Variants in NDST4 observed in about 807,000 individuals in gnomAD.
The protein encoded by NDST4 is N-deacetylase and N-sulfotransferase 4, also known as N-heparan sulfate sulfotransferase 4.
Under a neutral mutation model 100.8 loss-of-function variants are expected in NDST4, and 63 were observed. That is an observed-to-expected ratio of 0.62 (90% confidence interval 0.51 to 0.77). The LOEUF (loss-of-function observed/expected upper bound fraction) is 0.77, where lower values mean the gene tolerates loss of function less well. Ranked by LOEUF, NDST4 falls within the 30% of genes least tolerant of loss-of-function variation. NDST4 has a pLI of 0.00. For missense variants in NDST4, 943 were observed against 1,018.4 expected (o/e 0.93, Z 1.01); for synonymous variants, 377 against 361.8 (o/e 1.04, Z -0.48).
chr4:114,950,813 T>C (rs72910649), intron 4 of NDST4, among the ~76,000 whole-genome samples: 4,762 of 152,136 alleles, frequency 0.031, 258 homozygotes, highest in African/African-American at 0.11. Context: ...CTTACCCTTA[T>C]AACAAACAAG....
At position 115,037,543 on chromosome 4, in the gene NDST4, C is replaced by CATGTATGTAAAT. The variant is rs141455998; in HGVS notation, c.978+38504_978+38515dup. ...ATTATTCTTATTATATTGTTATGTG[C>CATGTATGTAAAT]ATGTATGTAAATATGTATGTATCTA... On this transcript the variant is annotated intron_variant, in intron 2 of 13. Coordinates refer to ENST00000264363, the MANE Select transcript of NDST4 (RefSeq NM_022569.3). Among the ~76,000 whole-genome samples, 186 of 152,120 alleles carry CATGTATGTAAAT rather than the reference C, an allele frequency of 1.2e-3. 4 individuals carry two copies. In the East Asian group the frequency reaches 0.032, roughly 26 times the overall value.
chr4:115,067,643 T>G lies in NDST4; in HGVS notation c.978+8416A>C, dbSNP rs191558777. 5.2e-3 allele frequency among the ~76,000 whole-genome samples: 794 copies of G among 152,178 alleles called. 3 individuals carry two copies. The highest frequency in any genetic ancestry group is 6.9e-3 in the Non-Finnish European group (468 of 67,988). On this transcript the variant is annotated intron_variant, in intron 2 of 13. Coordinates refer to ENST00000264363, the MANE Select transcript of NDST4 (RefSeq NM_022569.3). The stretch of plus-strand genomic sequence containing the variant: ...CTCCTGTTTAATGATATGATAATTC[T>G]TAAACATATTTTGACTGGAATTTTT...
At chr4:114,842,587 T>C (rs1365937752) in intron 10 of NDST4, 2 of 154,218 alleles carry the variant, frequency 1.3e-5, no homozygotes, top group Non-Finnish European at 2.4e-5. Flanking sequence ...TTCAGGAGAT[T>C]GGGGAAAACA....
Position 114,833,589 on chromosome 4 carries a change from C to A in NDST4, c.2396+17G>T, listed in dbSNP as rs1560769414. The A allele has an allele frequency of 6.7e-7, 1 of 1,486,264 alleles. No individual in the cohort carries two copies. The highest frequency in any genetic ancestry group is 2.3e-5 in the East Asian group (1 of 44,118). 92.1% of individuals were successfully genotyped at this position (1,486,264 alleles called of 1,614,324 possible). On this transcript the variant is annotated intron_variant, in intron 12 of 13. Transcript: ENST00000264363. ...GGCAAATAATGGAAATGAAATCAAGCATGACAATAGACTCACGTTAGTGCT... is the reference window on the plus strand; with the variant it reads ...GGCAAATAATGGAAATGAAATCAAGAATGACAATAGACTCACGTTAGTGCT...
At chr4:114,940,286 C>T (rs745979043) in intron 4 of NDST4, among the ~76,000 whole-genome samples, 29 of 151,840 alleles carry the variant, frequency 1.9e-4, no homozygotes, top group African/African-American at 4.1e-4. Context: ...CAGTTAGTTG[C>T]GAAATAAGAT....
In NDST4 at chr4:114,992,594, T is replaced by G. The variant is rs920808149; in HGVS notation, c.979-15320A>C. On this transcript the variant is annotated intron_variant, in intron 2 of 13. Coordinates refer to ENST00000264363, the MANE Select transcript of NDST4 (RefSeq NM_022569.3). ...AAGTTGACCTTTTGTTTCCATGGGT[T>G]TCACATCTGCCACAAAACTCAGATA... 4.6e-5 allele frequency among the ~76,000 whole-genome samples: 7 copies of G among 151,640 alleles called. No individual in the cohort carries two copies. The South Asian group carries it at 1.0e-3, about 22-fold the overall frequency.
At chr4:114,868,181 T>G (rs1472342202) in intron 7 of NDST4, among the ~76,000 whole-genome samples, 1 of 152,190 alleles carries the variant, frequency 6.6e-6, no homozygotes, top group Non-Finnish European at 1.5e-5. Flanking sequence ...GAAGTCACAC[T>G]TGTAAATACA....
chr4:114,994,021 T>C (rs1388865269), intron 2 of NDST4, among the ~76,000 whole-genome samples: 1 of 151,978 alleles, frequency 6.6e-6, no homozygotes, highest in Non-Finnish European at 1.5e-5. Context: ...AACACATTTG[T>C]ATAAATTCCA....
At chr4:114,913,192 A>G (rs1475254380) in intron 6 of NDST4, among the ~76,000 whole-genome samples, 1 of 151,920 alleles carries the variant, frequency 6.6e-6, no homozygotes, top group African/African-American at 2.4e-5. Flanking sequence ...TAAAATAAGG[A>G]CTGTATGTTA....
At position 114,918,970 on chromosome 4, in the gene NDST4, C is replaced by T. The variant is rs115220898; in HGVS notation, c.1536+16236G>A. Among the ~76,000 whole-genome samples, 1,125 of 152,154 alleles carry T rather than the reference C, an allele frequency of 7.4e-3. 17 individuals carry two copies. Among genetic ancestry groups the T allele is most frequent in the African/African-American group, 0.025 (1,028 of 41,512 alleles). On this transcript the variant is annotated intron_variant, in intron 6 of 13. Transcript: ENST00000264363. The stretch of plus-strand genomic sequence containing the variant: ...CTCTCCATTTTTCCTCCACAGATGT[C>T]GTGGTCTTTTGTTAACAAATACTTC...
chr4:114,863,243 C>T (rs1454927671), intron 7 of NDST4, among the ~76,000 whole-genome samples: 2 of 152,194 alleles, frequency 1.3e-5, no homozygotes, highest in African/African-American at 4.8e-5. Context: ...AGCAACCTGG[C>T]AAGACAGATA....
chr4:114,901,515 G>A (rs1724837883), intron 6 of NDST4, among the ~76,000 whole-genome samples: 1 of 151,756 alleles, frequency 6.6e-6, no homozygotes, highest in Admixed American at 6.6e-5. Context: ...TAATCTATAT[G>A]CGTCTTTATA....
intron 2 of NDST4, among the ~76,000 whole-genome samples, chr4:115,031,430 G>A (rs1272840102): frequency 6.6e-6 from 1 of 152,056 alleles, no homozygotes; most frequent in African/African-American, 2.4e-5. Flanking sequence ...CTCTGAAAGT[G>A]CAGACTCTTC....
At chr4:114,976,536 A>G (rs1452027088) in intron 3 of NDST4, among the ~76,000 whole-genome samples, 1 of 152,038 alleles carries the variant, frequency 6.6e-6, no homozygotes, top group East Asian at 1.9e-4. Flanking sequence ...AGAACACAGC[A>G]CATGAATAGC....
chr4:114,998,438 G>T (rs886843571), intron 2 of NDST4, among the ~76,000 whole-genome samples: 1 of 152,036 alleles, frequency 6.6e-6, no homozygotes. Context: ...GGCTCACACT[G>T]TGCAACCCCA....
intron 10 of NDST4, among the ~76,000 whole-genome samples, chr4:114,843,341 C>T (rs769165806): frequency 7.2e-5 from 11 of 152,098 alleles, no homozygotes; most frequent in East Asian, 1.9e-4. Context: ...CCTGTATCTC[C>T]GCGGAGTTGG....
chr4:115,079,915 A>G (rs1729266226), intron 1 of NDST4, among the ~76,000 whole-genome samples: 1 of 152,194 alleles, frequency 6.6e-6, no homozygotes, highest in Non-Finnish European at 1.5e-5. Flanking sequence ...TTTTGTCAGA[A>G]AATAACTTTT....
In NDST4 at chr4:114,986,793, CATATAT is replaced by C. The variant is rs59806494; in HGVS notation, c.979-9525_979-9520del. On this transcript the variant is annotated intron_variant, in intron 2 of 13. Coordinates refer to ENST00000264363, the MANE Select transcript of NDST4 (RefSeq NM_022569.3). Reference sequence around the variant, plus strand: ...CCTCTAAGCCTGGTATCCAATTATACATATATATATATATATATATATATATATATA... The same window carrying C: ...CCTCTAAGCCTGGTATCCAATTATACATATATATATATATATATATATATA... Among the ~76,000 whole-genome samples the C allele has an allele frequency of 8.2e-3, 745 of 91,120 alleles. 13 individuals carry two copies. Among genetic ancestry groups the C allele is most frequent in the African/African-American group, 0.03 (657 of 22,106 alleles). The allele number at this position is 91,120 out of a possible 152,430, so 59.8% of individuals were successfully genotyped here.
chr4:115,068,161 T>C (rs1301732267), intron 2 of NDST4, among the ~76,000 whole-genome samples: 1 of 152,102 alleles, frequency 6.6e-6, no homozygotes, highest in Non-Finnish European at 1.5e-5. Context: ...TGTTAACTTA[T>C]CATCTTTGTT....
Sources: allele counts gnomAD v4.1 joint callset (sites outside exome capture counted in the v4.1 genomes callset), GRCh38; gene constraint gnomAD v4.1.1; transcripts MANE v1.5; gene names NCBI Gene and HGNC (gene_info 2026-07-23, HGNC 2026-07-21).